Variants in PRSS3 observed in about 807,000 individuals in gnomAD.
The protein encoded by PRSS3 is trypsin-3.
In PRSS3, 14 loss-of-function variants were observed where a neutral mutation model predicts 20.8. The observed-to-expected ratio is 0.67, with a 90% CI of 0.44 to 1.05. The LOEUF is 1.05. PRSS3 is among the 50% of genes least tolerant of loss of function. The pLI, the probability that PRSS3 is intolerant of heterozygous loss-of-function variation, is 0.00. For synonymous variants in PRSS3, 91 were observed against 117.6 expected (o/e 0.77, Z 1.46); for missense variants, 237 against 306.4 (o/e 0.77, Z 1.69).
chr9:33,767,183 G>A (rs1179170822), intron 1 of PRSS3, among the ~76,000 whole-genome samples: 4 of 152,186 alleles, frequency 2.6e-5, no homozygotes, highest in African/African-American at 7.2e-5. Flanking sequence ...GGCCAGGCCT[G>A]GTGGCTCACA....
chr9:33,756,889 A>G (rs1822974553), intron 1 of PRSS3, among the ~76,000 whole-genome samples: 2 of 152,128 alleles, frequency 1.3e-5, no homozygotes, highest in Admixed American at 1.3e-4. Flanking sequence ...TTCATGTTGG[A>G]AGTTTTATAC....
At chr9:33,778,666 A>C (rs1824044641) in intron 1 of PRSS3, among the ~76,000 whole-genome samples, 1 of 152,266 alleles carries the variant, frequency 6.6e-6, no homozygotes, top group African/African-American at 2.4e-5. Context: ...AAGGAAATGA[A>C]AGACAGTTTT....
At chr9:33,796,522 C>T in intron 1 of PRSS3, 121 bp from the exon 2 acceptor site, 1 of 1,341,302 alleles carries the variant, frequency 7.5e-7, no homozygotes, top group Non-Finnish European at 1.0e-6. Context: ...AGCGCTCCCT[C>T]CCTTGCCTGG....
At chr9:33,784,214 AAG>A (rs1824293208) in intron 1 of PRSS3, among the ~76,000 whole-genome samples, 1 of 152,102 alleles carries the variant, frequency 6.6e-6, no homozygotes, top group Non-Finnish European at 1.5e-5. Flanking sequence ...TTTTCAAACA[AAG>A]AGAATACTGA....
At chr9:33,768,308 C>T (rs1303042311) in intron 1 of PRSS3, among the ~76,000 whole-genome samples, 5 of 151,192 alleles carry the variant, frequency 3.3e-5, no homozygotes, top group Non-Finnish European at 7.4e-5. Flanking sequence ...GGTGAAACCC[C>T]GTCTCTACTA....
intron 1 of PRSS3, among the ~76,000 whole-genome samples, chr9:33,755,691 G>T (rs1822908584): frequency 6.6e-6 from 1 of 152,140 alleles, no homozygotes; most frequent in Admixed American, 6.5e-5. Flanking sequence ...CATGGAATGG[G>T]GTGTAGGAAT....
In PRSS3 at chr9:33,787,832, C is replaced by A. The variant is rs1279009465; in HGVS notation, c.-52-6914C>A. On this transcript the variant is annotated intron_variant, in intron 1 of 5. Transcript: ENST00000342836. ...CTTGGGCTACACTTTTGTTGCTTTC[C>A]AGACCCCAGAGAGAAAGAATGCTCT... Among the ~76,000 whole-genome samples the A allele has an allele frequency of 2.0e-5, 3 of 152,172 alleles. No individual in the cohort carries two copies. The East Asian group carries it at 5.8e-4, about 29-fold the overall frequency.
At chr9:33,790,344 T>C (rs1050190662) in intron 1 of PRSS3, among the ~76,000 whole-genome samples, 1 of 152,232 alleles carries the variant, frequency 6.6e-6, no homozygotes, top group African/African-American at 2.4e-5. Flanking sequence ...ATAAGAATAG[T>C]TCAATACACT....
chr9:33,790,109 C>A (rs1186349328), intron 1 of PRSS3, among the ~76,000 whole-genome samples: 1 of 152,010 alleles, frequency 6.6e-6, no homozygotes, highest in Admixed American at 6.5e-5. Context: ...AAGTATGACC[C>A]GCTCTCAGAA....
chr9:33,757,517 G>A (rs1269798261), intron 1 of PRSS3, among the ~76,000 whole-genome samples: 1 of 151,662 alleles, frequency 6.6e-6, no homozygotes, highest in African/African-American at 2.4e-5. Context: ...ATCACGTGAA[G>A]GGAACAGATA....
intron 1 of PRSS3, among the ~76,000 whole-genome samples, chr9:33,789,195 G>A (rs1439936793): frequency 4.6e-5 from 7 of 152,046 alleles, no homozygotes; most frequent in Non-Finnish European, 1.0e-4. Flanking sequence ...CTATTTCCTT[G>A]GGCATTATTT....
chr9:33,782,642 G>C (rs1824233209), intron 1 of PRSS3, among the ~76,000 whole-genome samples: 1 of 152,064 alleles, frequency 6.6e-6, no homozygotes, highest in Admixed American at 6.5e-5. Flanking sequence ...CAGACAAATA[G>C]AAAATACACA....
At chr9:33,754,513 G>A (rs1190582699) in intron 1 of PRSS3, among the ~76,000 whole-genome samples, 7 of 151,930 alleles carry the variant, frequency 4.6e-5, no homozygotes, top group African/African-American at 1.5e-4. Flanking sequence ...TGTTTTAGAC[G>A]GACACGATGC....
intron 4 of PRSS3, 108 bp from the exon 5 acceptor site, chr9:33,798,920 T>C (rs1825179994): frequency 7.0e-7 from 1 of 1,431,550 alleles, no homozygotes; most frequent in Non-Finnish European, 9.8e-7. Flanking sequence ...GGGAAGGACG[T>C]GGAGCCACAG....
At chr9:33,785,491 T>C (rs1824364237) in intron 1 of PRSS3, among the ~76,000 whole-genome samples, 1 of 152,128 alleles carries the variant, frequency 6.6e-6, no homozygotes, top group Non-Finnish European at 1.5e-5. Context: ...GTGGTCAAGT[T>C]TTACACAGGC....
At chr9:33,764,547 A>G (rs1478143969) in intron 1 of PRSS3, among the ~76,000 whole-genome samples, 3 of 152,228 alleles carry the variant, frequency 2.0e-5, no homozygotes, top group Non-Finnish European at 2.9e-5. Flanking sequence ...ATAAATAAAT[A>G]GATCAGAAAC....
At chr9:33,790,175 G>C (rs1438129387) in intron 1 of PRSS3, among the ~76,000 whole-genome samples, 1 of 151,976 alleles carries the variant, frequency 6.6e-6, no homozygotes, top group Admixed American at 6.6e-5. Flanking sequence ...TAAAAAATTT[G>C]TGGTATTATA....
At chr9:33,795,686 A>G (rs1824882620) in intron 1 of PRSS3, 73 bp downstream of exon 1, 2 of 1,548,544 alleles carry the variant, frequency 1.3e-6, no homozygotes, top group Non-Finnish European at 1.8e-6. Context: ...CATTCTTGCC[A>G]CCTCTCCTCT....
At position 33,798,514 on chromosome 9, in the gene PRSS3, G is replaced by A. The variant is rs1184518743; in HGVS notation, c.483G>A (p.Leu161=). 2 of 1,613,400 alleles carry A rather than the reference G, an allele frequency of 1.2e-6. No homozygotes were observed. The highest frequency in any genetic ancestry group is 1.3e-5 in the African/African-American group (1 of 74,686). ...ACTACCCAGACGAGCTGAAGTGCCTGGATGCTCCGGTGCTGACCCAGGCTG... is the reference window on the plus strand; with the variant it reads ...ACTACCCAGACGAGCTGAAGTGCCTAGATGCTCCGGTGCTGACCCAGGCTG... ...GADYPDELKC[L]DAPVLTQAEC... Residue 161 remains leucine (L), a synonymous_variant, in exon 4 of 5, where the codon CTG becomes CTA. Coordinates refer to ENST00000379405, the MANE Select transcript of PRSS3 (RefSeq NM_002771.4).
Sources: allele counts gnomAD v4.1 joint callset (sites outside exome capture counted in the v4.1 genomes callset), GRCh38; gene constraint gnomAD v4.1.1; transcripts MANE v1.5; gene names NCBI Gene and HGNC (gene_info 2026-07-23, HGNC 2026-07-21).